PARN: variants seen among roughly 807,000 people sequenced by gnomAD.
PARN encodes poly(A)-specific ribonuclease.
A neutral mutation model predicts 102.8 loss-of-function variants in PARN; 71 were observed. That is an observed-to-expected ratio of 0.69 (90% CI 0.57 to 0.84). The LOEUF (loss-of-function observed/expected upper bound fraction) is 0.84, where lower values mean the gene tolerates loss of function less well. Among genes scored for constraint, PARN ranks in the 40% least tolerant of loss-of-function variants. The probability of loss-of-function intolerance (pLI) is 0.00; values close to 1 mark genes in which losing one functional copy is unlikely to be tolerated. For missense variants in PARN, 782 were observed against 760.9 expected (o/e 1.03, Z -0.33); for synonymous variants, 261 against 252.9 (o/e 1.03, Z -0.30).
chr16:14,536,202 A>T (rs899912168), intron 21 of PARN, among the ~76,000 whole-genome samples: 1 of 152,202 alleles, frequency 6.6e-6, no homozygotes, highest in African/African-American at 2.4e-5. Flanking sequence ...AAGTCCTCCA[A>T]ATACATTTCA....
intron 22 of PARN, among the ~76,000 whole-genome samples, chr16:14,463,655 T>A (rs1017617826): frequency 2.0e-5 from 3 of 151,780 alleles, no homozygotes; most frequent in Non-Finnish European, 4.4e-5. Context: ...ATAGTAACTA[T>A]CCAAAATAAA....
intron 18 of PARN, among the ~76,000 whole-genome samples, chr16:14,578,352 AG>A (rs1166781318): frequency 4.7e-5 from 7 of 147,758 alleles, no homozygotes; most frequent in African/African-American, 1.7e-4. Flanking sequence ...AAAAAAAAAA[AG>A]AGGAATAAAA....
intron 21 of PARN, among the ~76,000 whole-genome samples, chr16:14,547,887 G>T (rs944461735): frequency 6.6e-6 from 1 of 152,078 alleles, no homozygotes; most frequent in Non-Finnish European, 1.5e-5. Context: ...TTTTCTCAAT[G>T]TTACATTATT....
intron 21 of PARN, among the ~76,000 whole-genome samples, chr16:14,491,899 A>G (rs889586790): frequency 9.2e-5 from 14 of 152,268 alleles, no homozygotes; most frequent in African/African-American, 3.4e-4. Flanking sequence ...ACAAACTTAT[A>G]CATTTTTCAG....
At chr16:14,530,205 A>C (rs1966246294) in intron 21 of PARN, among the ~76,000 whole-genome samples, 1 of 152,112 alleles carries the variant, frequency 6.6e-6, no homozygotes, top group Non-Finnish European at 1.5e-5. Context: ...TCTCCTCCAG[A>C]CCTGTGGAGA....
At chr16:14,526,631 G>A (rs1333530000) in intron 21 of PARN, among the ~76,000 whole-genome samples, 1 of 152,174 alleles carries the variant, frequency 6.6e-6, no homozygotes, top group Non-Finnish European at 1.5e-5. Flanking sequence ...AAAGTCAAGG[G>A]TGTAATCCAC....
chr16:14,579,296 T>C (rs959288527), intron 18 of PARN, among the ~76,000 whole-genome samples: 1 of 152,244 alleles, frequency 6.6e-6, no homozygotes, highest in African/African-American at 2.4e-5. Context: ...AAAGTTTATT[T>C]TGATTGCTCT....
intron 22 of PARN, among the ~76,000 whole-genome samples, chr16:14,480,358 T>C (rs1963312141): frequency 6.6e-6 from 1 of 152,034 alleles, no homozygotes; most frequent in Non-Finnish European, 1.5e-5. Flanking sequence ...CAAAAATATA[T>C]GCTCATTTAC....
intron 22 of PARN, among the ~76,000 whole-genome samples, chr16:14,471,906 T>C (rs1233286849): frequency 6.6e-6 from 1 of 152,226 alleles, no homozygotes; most frequent in Non-Finnish European, 1.5e-5. Flanking sequence ...TGTATTAGAA[T>C]CTCCTTCCTT....
intron 22 of PARN, among the ~76,000 whole-genome samples, chr16:14,451,867 T>G (rs200269888): frequency 5.5e-4 from 13 of 23,734 alleles, no homozygotes; most frequent in Admixed American, 1.0e-3. Context: ...AAAAAAAAAA[T>G]ACAAAAAAAA....
At chr16:14,608,375 T>C in intron 8 of PARN, 56 bp from the exon 9 acceptor site, 2 of 1,074,388 alleles carry the variant, frequency 1.9e-6, no homozygotes, top group Admixed American at 5.0e-5. Context: ...AAATCCAAAC[T>C]GATCAAGCAT....
At chr16:14,620,716 TA>T (rs537680624) in intron 5 of PARN, among the ~76,000 whole-genome samples, 154 of 152,278 alleles carry the variant, frequency 1.0e-3, no homozygotes, top group African/African-American at 3.4e-3. Flanking sequence ...AATTCAAGGG[TA>T]AATGTTCTGA....
chr16:14,559,292 A>G (rs543240731), intron 18 of PARN, among the ~76,000 whole-genome samples: 2 of 151,784 alleles, frequency 1.3e-5, no homozygotes, highest in East Asian at 3.9e-4. Flanking sequence ...TTTTTTGAAA[A>G]ATATTTTTTG....
chr16:14,611,598 T>G (rs1971523313), intron 6 of PARN, among the ~76,000 whole-genome samples: 1 of 152,160 alleles, frequency 6.6e-6, no homozygotes, highest in South Asian at 2.1e-4. Flanking sequence ...TGGCATGCAA[T>G]GGCACAATAT....
At chr16:14,463,120 G>A (rs1354382570) in intron 22 of PARN, among the ~76,000 whole-genome samples, 2 of 152,192 alleles carry the variant, frequency 1.3e-5, no homozygotes, top group African/African-American at 4.8e-5. Context: ...AACAACGCCT[G>A]TTCCCACCAG....
intron 12 of PARN, 114 bp from the exon 13 acceptor site, chr16:14,593,492 TAAAAAAAAAAAAAAAAA>T (rs35329440): frequency 1.1e-3 from 36 of 31,808 alleles, no homozygotes; most frequent in South Asian, 8.3e-3. Flanking sequence ...TTTCCAGACT[TAAAAAAAAAAAAAAAAA>T]AAAAAAAAAA....
intron 6 of PARN, among the ~76,000 whole-genome samples, chr16:14,612,427 C>G (rs1427563819): frequency 6.6e-6 from 1 of 151,298 alleles, no homozygotes; most frequent in Non-Finnish European, 1.5e-5. Context: ...CGGTGTGACA[C>G]TGTCTCAAAA....
intron 21 of PARN, among the ~76,000 whole-genome samples, chr16:14,508,803 T>G (rs1965036922): frequency 6.6e-6 from 1 of 151,120 alleles, no homozygotes; most frequent in South Asian, 2.1e-4. Flanking sequence ...CTAACGCCTA[T>G]AATCCCAGCA....
At chr16:14,463,781 G>C (rs1404857958) in intron 22 of PARN, among the ~76,000 whole-genome samples, 1 of 140,046 alleles carries the variant, frequency 7.1e-6, no homozygotes, top group African/African-American at 2.6e-5. Flanking sequence ...ATGAGAGCGG[G>C]AAAAAGAAAA....
Sources: gnomAD v4.1 joint callset for allele counts (sites outside exome capture counted in the v4.1 genomes callset) on GRCh38, gnomAD v4.1.1 for gene constraint, MANE v1.5 for transcripts, NCBI Gene and HGNC (gene_info 2026-07-23, HGNC 2026-07-21) for gene names.